The following ZHX3 variants were observed in gnomAD, a reference collection of about 807,000 sequenced individuals.
ZHX3 encodes the protein zinc fingers and homeoboxes 3.
In ZHX3, 20 loss-of-function variants were observed where a neutral mutation model predicts 64.5. The observed-to-expected ratio is 0.31, with a 90% confidence interval of 0.22 to 0.45. ZHX3 has a LOEUF of 0.45. ZHX3 is among the 20% of genes least tolerant of loss of function. The pLI is 1.00. For synonymous variants in ZHX3, 423 were observed against 461.6 expected (o/e 0.92, Z 1.07); for missense variants, 1,041 against 1,195.8 (o/e 0.87, Z 1.91).
At chr20:41,247,163 G>A (rs774428230) in intron 2 of ZHX3, among the ~76,000 whole-genome samples, 2 of 151,884 alleles carry the variant, frequency 1.3e-5, no homozygotes, top group African/African-American at 2.4e-5. Context: ...GCTACTTGGC[G>A]GGGCTGAGAC....
At chr20:41,217,369 G>A (rs534305974) in intron 2 of ZHX3, among the ~76,000 whole-genome samples, 1 of 151,494 alleles carries the variant, frequency 6.6e-6, no homozygotes, top group African/African-American at 2.4e-5. Flanking sequence ...GATATATATG[G>A]CTCATATATA....
Position 41,185,229 on chromosome 20 carries a change from C to G in ZHX3, c.2861-28G>C. The stretch of plus-strand genomic sequence containing the variant: ...GAGAAGAAAACACATGCCTGTCACT[C>G]TACGGCAGCTGCCACCACCTGCCCC... On this transcript the variant is annotated intron_variant, in intron 3 of 3. Coordinates refer to ENST00000683867, the MANE Select transcript of ZHX3 (RefSeq NM_001384317.1). The surrounding 1 kb of genome is among the most constrained non-coding windows in gnomAD (Gnocchi z 5.0). 1 of 1,581,992 alleles carries G rather than the reference C, an allele frequency of 6.3e-7. No homozygotes were observed. The highest frequency in any genetic ancestry group is 2.2e-5 in the East Asian group (1 of 44,480).
At chr20:41,211,766 TCTC>T (rs2039174830) in intron 2 of ZHX3, among the ~76,000 whole-genome samples, 1 of 152,196 alleles carries the variant, frequency 6.6e-6, no homozygotes, top group Non-Finnish European at 1.5e-5. Context: ...GAAACAAACA[TCTC>T]TGGGCATACA....
chr20:41,231,571 G>A (rs780792154), intron 2 of ZHX3, among the ~76,000 whole-genome samples: 7 of 151,938 alleles, frequency 4.6e-5, no homozygotes, highest in Non-Finnish European at 7.4e-5. Flanking sequence ...TAATTTTTTT[G>A]TATGTGGCTG....
chr20:41,269,534 GTTTTCATCTCTGTCTCTGACCATTAT>G (rs1156384731), intron 1 of ZHX3: 3 of 151,928 alleles, frequency 2.0e-5, no homozygotes, highest in Non-Finnish European at 4.4e-5. Flanking sequence ...CCAAGGAACT[GTTTTCATCTCTGTCTCTGACCATTAT>G]TACCCCTATT....
intron 2 of ZHX3, among the ~76,000 whole-genome samples, chr20:41,255,998 C>G (rs1021294851): frequency 1.3e-5 from 2 of 152,160 alleles, no homozygotes; most frequent in African/African-American, 4.8e-5. Context: ...TGATTAAAGG[C>G]ACCAAATGCT....
intron 2 of ZHX3, among the ~76,000 whole-genome samples, chr20:41,215,751 G>A (rs1280892564): frequency 2.0e-5 from 3 of 146,534 alleles, no homozygotes; most frequent in African/African-American, 5.1e-5. Flanking sequence ...TGGCTAACAC[G>A]GTGAAACCAC....
chr20:41,241,277 T>C (rs1349814423), intron 2 of ZHX3, among the ~76,000 whole-genome samples: 1 of 152,252 alleles, frequency 6.6e-6, no homozygotes, highest in Non-Finnish European at 1.5e-5. Context: ...CTGAGCACTT[T>C]TTCCTATGCC....
chr20:41,314,375 A>G (rs2045230040), intron 1 of ZHX3, among the ~76,000 whole-genome samples: 1 of 152,260 alleles, frequency 6.6e-6, no homozygotes, highest in Non-Finnish European at 1.5e-5. Context: ...CAGGGAGAGG[A>G]AAAGGACAGA....
In ZHX3 at chr20:41,226,292, G is replaced by C. The variant is rs953317426; in HGVS notation, c.-150-21226C>G. Among the ~76,000 whole-genome samples, 1 of 152,062 alleles carries C rather than the reference G, an allele frequency of 6.6e-6. No homozygotes were observed. The highest frequency in any genetic ancestry group is 1.5e-5 in the Non-Finnish European group (1 of 68,024). Reference sequence around the variant, plus strand: ...AATGGCATGAACGCGGGAGGTGGAGGTTGCAGTAAACTGAGATCGCGCCAC... The same window carrying C: ...AATGGCATGAACGCGGGAGGTGGAGCTTGCAGTAAACTGAGATCGCGCCAC... On this transcript the variant is annotated intron_variant, in intron 2 of 3. Coordinates refer to ENST00000683867, the MANE Select transcript of ZHX3 (RefSeq NM_001384317.1). The surrounding 1 kb of genome is among the most constrained non-coding windows in gnomAD (Gnocchi z 4.4).
At position 41,266,537 on chromosome 20, in the gene ZHX3, C is replaced by T. The variant is rs549549100; in HGVS notation, c.-151+2453G>A. ...CCACTGTAACTCTTTTTGTTAATCT[C>T]CCAATCTTTCTTTTTTTTTTTTTTT... On this transcript the variant is annotated intron_variant, in intron 2 of 3. Coordinates refer to ENST00000683867, the MANE Select transcript of ZHX3 (RefSeq NM_001384317.1). Among the ~76,000 whole-genome samples the T allele has an allele frequency of 4.3e-4, 62 of 143,574 alleles. 2 individuals carry two copies. The South Asian group carries it at 0.014, about 32-fold the overall frequency. 94.2% of individuals were successfully genotyped at this position (143,574 alleles called of 152,430 possible).
rs1427708728 is a variant in ZHX3 at position 41,228,933 on chromosome 20, A to T, written c.-150-23867T>A. On this transcript the variant is annotated intron_variant, in intron 2 of 3. Coordinates refer to ENST00000683867, the MANE Select transcript of ZHX3 (RefSeq NM_001384317.1). The surrounding 1 kb of genome is among the most constrained non-coding windows in gnomAD (Gnocchi z 4.6). ...ACATAACATAAAATTTACCATCTTA[A>T]TCATTTTTAGGTGGAGAGTTCAGTA... is the stretch of plus-strand genomic sequence containing the variant. Among the ~76,000 whole-genome samples the T allele has an allele frequency of 6.6e-6, 1 of 152,176 alleles. No homozygotes were observed. Among genetic ancestry groups the T allele is most frequent in the East Asian group, 1.9e-4 (1 of 5,202 alleles).
intron 1 of ZHX3, among the ~76,000 whole-genome samples, chr20:41,301,979 G>A (rs926817495): frequency 6.8e-6 from 1 of 148,078 alleles, no homozygotes; most frequent in Admixed American, 6.7e-5. Flanking sequence ...GCGTGAACCC[G>A]GGAGGCGGAG....
At chr20:41,277,443 G>C (rs575678316) in intron 1 of ZHX3, among the ~76,000 whole-genome samples, 1 of 152,160 alleles carries the variant, frequency 6.6e-6, no homozygotes, top group South Asian at 2.1e-4. Context: ...TATTTTTAAA[G>C]TATTTGATAC....
chr20:41,283,344 T>C (rs1191373855), intron 1 of ZHX3, among the ~76,000 whole-genome samples: 2 of 152,178 alleles, frequency 1.3e-5, no homozygotes, highest in East Asian at 3.9e-4. Flanking sequence ...AAGTCCATAA[T>C]GCAGGGTTTC....
chr20:41,200,017 G>C lies in ZHX3; in HGVS notation c.2860+2040C>G, dbSNP rs1217332940. On this transcript the variant is annotated intron_variant, in intron 3 of 3. Transcript: ENST00000683867. The surrounding 1 kb of genome is among the most constrained non-coding windows in gnomAD (Gnocchi z 4.2). ...CCTGGCCACAAAAACTTGACTTTTG[G>C]AGGACAAAGTTGTTATTGCCTACCC... Among the ~76,000 whole-genome samples, 1 of 152,068 alleles carries C rather than the reference G, an allele frequency of 6.6e-6. No individual in the cohort carries two copies. The highest frequency in any genetic ancestry group is 2.4e-5 in the African/African-American group (1 of 41,408).
At chr20:41,250,188 T>C (rs2146502816) in intron 2 of ZHX3, among the ~76,000 whole-genome samples, 1 of 152,196 alleles carries the variant, frequency 6.6e-6, no homozygotes, top group African/African-American at 2.4e-5. Context: ...CAGGGACTAG[T>C]GGGAGCCGTG....
chr20:41,258,696 T>C (rs1312556429), intron 2 of ZHX3, among the ~76,000 whole-genome samples: 1 of 152,246 alleles, frequency 6.6e-6, no homozygotes. Context: ...GATGTTGATA[T>C]GTCTTATTGC....
At chr20:41,281,822 G>A (rs2043689873) in intron 1 of ZHX3, among the ~76,000 whole-genome samples, 1 of 152,230 alleles carries the variant, frequency 6.6e-6, no homozygotes, top group African/African-American at 2.4e-5. Flanking sequence ...GTTTTAAGCA[G>A]GGGAGTAACA....
Sources: gnomAD v4.1 joint callset for allele counts (sites outside exome capture counted in the v4.1 genomes callset) on GRCh38, gnomAD v4.1.1 for gene constraint, Gnocchi (gnomAD v3.1) non-coding constraint, MANE v1.5 for transcripts, NCBI Gene and HGNC (gene_info 2026-07-23, HGNC 2026-07-21) for gene names.